CHN2: variants seen among roughly 807,000 people sequenced by gnomAD.
CHN2 encodes beta-chimaerin.
In CHN2, 35 loss-of-function variants were observed where a neutral mutation model predicts 56.3. The observed-to-expected ratio is 0.62, with a 90% CI of 0.47 to 0.82. The LOEUF (loss-of-function observed/expected upper bound fraction) is 0.82. Ranked by LOEUF, CHN2 falls within the 40% of genes least tolerant of loss-of-function variation. CHN2 has a pLI of 0.00. For synonymous variants in CHN2, 210 were observed against 212.8 expected (o/e 0.99, Z 0.12); for missense variants, 491 against 580.5 (o/e 0.85, Z 1.58).
At chr7:29,326,999 A>G (rs1035357430) in intron 1 of CHN2, among the ~76,000 whole-genome samples, 10 of 152,208 alleles carry the variant, frequency 6.6e-5, no homozygotes, top group African/African-American at 2.4e-4. Context: ...CTTCAGATGA[A>G]TGGAGGCAAC....
intron 1 of CHN2, among the ~76,000 whole-genome samples, chr7:29,226,383 A>G (rs2128796700): frequency 6.6e-6 from 1 of 152,362 alleles, no homozygotes; most frequent in African/African-American, 2.4e-5. Flanking sequence ...GATTTTTTAT[A>G]GTCAGCTGAA....
intron 2 of CHN2, among the ~76,000 whole-genome samples, chr7:29,188,795 G>A (rs747555675): frequency 2.3e-4 from 35 of 152,098 alleles, no homozygotes; most frequent in Admixed American, 1.5e-3. Context: ...AAAGAAAGTC[G>A]TCACCGGCAT....
chr7:29,348,197 C>G (rs2128920092), intron 1 of CHN2, among the ~76,000 whole-genome samples: 1 of 152,284 alleles, frequency 6.6e-6, no homozygotes, highest in Non-Finnish European at 1.5e-5. Flanking sequence ...GTTCCCTAGT[C>G]TTTCTCAGAC....
chr7:29,158,734 T>C (rs1242935036), intron 2 of CHN2, among the ~76,000 whole-genome samples: 1 of 152,206 alleles, frequency 6.6e-6, no homozygotes, highest in African/African-American at 2.4e-5. Context: ...AGATTTTGCT[T>C]GTTCTTTTTG....
chr7:29,241,950 T>C (rs1473843828), intron 1 of CHN2, among the ~76,000 whole-genome samples: 3 of 152,198 alleles, frequency 2.0e-5, no homozygotes, highest in Non-Finnish European at 1.5e-5. Context: ...CTTCATTAAT[T>C]ACCTAGAGAT....
chr7:29,472,879 AC>A (rs1786226109), intron 6 of CHN2, among the ~76,000 whole-genome samples: 1 of 152,190 alleles, frequency 6.6e-6, no homozygotes. Flanking sequence ...GGCAGCCAGC[AC>A]CCCCAGTCTG....
intron 6 of CHN2, among the ~76,000 whole-genome samples, chr7:29,472,131 A>C (rs937765278): frequency 6.6e-5 from 10 of 152,160 alleles, no homozygotes; most frequent in Non-Finnish European, 1.3e-4. Context: ...TATTTCACTT[A>C]GCATTTCTAG....
At chr7:29,288,730 G>C (rs755432359) in intron 1 of CHN2, among the ~76,000 whole-genome samples, 9 of 152,060 alleles carry the variant, frequency 5.9e-5, no homozygotes, top group Non-Finnish European at 8.8e-5. Flanking sequence ...CAAAGAAATG[G>C]AGACAAAGCA....
chr7:29,152,119 C>T (rs1056721694), intron 2 of CHN2, among the ~76,000 whole-genome samples: 1 of 152,196 alleles, frequency 6.6e-6, no homozygotes, highest in Middle Eastern at 3.2e-3. Flanking sequence ...ACTCTATAGC[C>T]TCTGAAGGGT....
chr7:29,240,041 C>T (rs1167511288), intron 1 of CHN2, among the ~76,000 whole-genome samples: 7 of 152,176 alleles, frequency 4.6e-5, no homozygotes, highest in Non-Finnish European at 8.8e-5. Context: ...AGATCCAGCC[C>T]GCAGGCAGCC....
At chr7:29,312,081 C>G (rs2128887154) in intron 1 of CHN2, among the ~76,000 whole-genome samples, 1 of 152,280 alleles carries the variant, frequency 6.6e-6, no homozygotes, top group Middle Eastern at 3.4e-3. Flanking sequence ...CTTCATTTGT[C>G]ATATCAGAGC....
intron 2 of CHN2, among the ~76,000 whole-genome samples, chr7:29,176,558 T>C (rs1173881564): frequency 6.6e-6 from 1 of 152,026 alleles, no homozygotes; most frequent in African/African-American, 2.4e-5. Context: ...GTAAAGACAT[T>C]TATAGACAAA....
chr7:29,340,144 G>C (rs1390507158), intron 1 of CHN2, among the ~76,000 whole-genome samples: 1 of 152,098 alleles, frequency 6.6e-6, no homozygotes, highest in Non-Finnish European at 1.5e-5. Flanking sequence ...TATACATGCA[G>C]AAAAATTGAA....
intron 4 of CHN2, among the ~76,000 whole-genome samples, chr7:29,394,959 T>G (rs1287887564): frequency 6.6e-6 from 1 of 152,344 alleles, no homozygotes; most frequent in South Asian, 2.1e-4. Flanking sequence ...GAACATCTTT[T>G]ATTAGATGGT....
At chr7:29,391,755 C>A (rs1801388413) in intron 3 of CHN2, among the ~76,000 whole-genome samples, 1 of 152,194 alleles carries the variant, frequency 6.6e-6, no homozygotes, top group Non-Finnish European at 1.5e-5. Context: ...TCATACCTTT[C>A]CTCTCTGCAC....
chr7:29,508,067 C>T (rs1438448728), intron 11 of CHN2, among the ~76,000 whole-genome samples: 1 of 152,192 alleles, frequency 6.6e-6, no homozygotes, highest in Non-Finnish European at 1.5e-5. Flanking sequence ...TATACTAGAA[C>T]GTCTCACCAG....
chr7:29,328,049 G>C (rs369982926), intron 1 of CHN2, among the ~76,000 whole-genome samples: 9 of 152,178 alleles, frequency 5.9e-5, no homozygotes, highest in African/African-American at 1.9e-4. Flanking sequence ...CATAGGCACA[G>C]AGATAGTTAG....
intron 1 of CHN2, among the ~76,000 whole-genome samples, chr7:29,214,630 G>A (rs1011139938): frequency 2.6e-5 from 4 of 152,144 alleles, no homozygotes; most frequent in Admixed American, 6.5e-5. Flanking sequence ...TAGGGGCTAC[G>A]TTACTGAAAA....
intron 7 of CHN2, among the ~76,000 whole-genome samples, chr7:29,492,142 A>G (rs1788729393): frequency 6.6e-6 from 1 of 152,222 alleles, no homozygotes; most frequent in Non-Finnish European, 1.5e-5. Context: ...AGCTGGGTGT[A>G]AAAGTTAGGT....
Sources: allele counts gnomAD v4.1 joint callset (sites outside exome capture counted in the v4.1 genomes callset), GRCh38; gene constraint gnomAD v4.1.1; transcripts MANE v1.5; gene names NCBI Gene and HGNC (gene_info 2026-07-23, HGNC 2026-07-21).